GNAQ: variants seen among roughly 807,000 people sequenced by gnomAD.
GNAQ encodes guanine nucleotide-binding protein G(q) subunit alpha.
Under a neutral mutation model 43.9 loss-of-function variants are expected in GNAQ, and 8 were observed. The ratio of observed to expected loss-of-function variants is 0.18; its 90% CI spans 0.11 to 0.33. The LOEUF (loss-of-function observed/expected upper bound fraction) is 0.33, where lower values mean the gene tolerates loss of function less well. GNAQ is among the 10% of genes least tolerant of loss of function. GNAQ has a pLI of 1.00. For synonymous variants in GNAQ, 155 were observed against 170.7 expected (o/e 0.91, Z 0.71); for missense variants, 158 against 450.8 (o/e 0.35, Z 5.88).
chr9:77,749,921 C>A (rs1825785840), intron 5 of GNAQ, among the ~76,000 whole-genome samples: 3 of 152,004 alleles, frequency 2.0e-5, no homozygotes, highest in Non-Finnish European at 2.9e-5. Context: ...ATATTTTTTT[C>A]ATACATTGTA....
intron 5 of GNAQ, among the ~76,000 whole-genome samples, chr9:77,757,189 C>T (rs1454156839): frequency 6.6e-6 from 1 of 152,158 alleles, no homozygotes; most frequent in Non-Finnish European, 1.5e-5. Flanking sequence ...AAAACATAAA[C>T]TGCTGAAAAT....
intron 2 of GNAQ, among the ~76,000 whole-genome samples, chr9:77,897,350 C>A (rs1231443552): frequency 6.6e-6 from 1 of 152,174 alleles, no homozygotes; most frequent in Admixed American, 6.5e-5. Context: ...CAGAGCACAG[C>A]TATTAAATCT....
intron 1 of GNAQ, among the ~76,000 whole-genome samples, chr9:77,973,738 A>C (rs1823266920): frequency 6.6e-6 from 1 of 152,140 alleles, no homozygotes; most frequent in Non-Finnish European, 1.5e-5. Flanking sequence ...GAATCGCTTG[A>C]ATGTGGGAGG....
intron 2 of GNAQ, among the ~76,000 whole-genome samples, chr9:77,828,822 A>T (rs1478169294): frequency 6.6e-6 from 1 of 152,202 alleles, no homozygotes; most frequent in East Asian, 1.9e-4. Flanking sequence ...CCAGTCTCTT[A>T]ACCTTTATAT....
At chr9:77,924,773 G>A (rs1190177808) in intron 1 of GNAQ, among the ~76,000 whole-genome samples, 2 of 152,006 alleles carry the variant, frequency 1.3e-5, no homozygotes, top group Non-Finnish European at 2.9e-5. Flanking sequence ...TAAGAGGAAA[G>A]AAAAAACAAT....
chr9:77,888,919 C>T (rs929067396), intron 2 of GNAQ, among the ~76,000 whole-genome samples: 6 of 152,130 alleles, frequency 3.9e-5, no homozygotes, highest in African/African-American at 1.4e-4. Flanking sequence ...TTCAGCATGA[C>T]ATTTAGAATC....
At chr9:77,889,255 A>G (rs953346140) in intron 2 of GNAQ, among the ~76,000 whole-genome samples, 1 of 151,518 alleles carries the variant, frequency 6.6e-6, no homozygotes, top group Non-Finnish European at 1.5e-5. Flanking sequence ...TTTTAAAAAA[A>G]AAATTAGCCG....
At chr9:77,997,780 G>A (rs929377757) in intron 1 of GNAQ, among the ~76,000 whole-genome samples, 9 of 152,130 alleles carry the variant, frequency 5.9e-5, no homozygotes, top group African/African-American at 1.7e-4. Flanking sequence ...ACAGGCACCC[G>A]GCGGGCAAGG....
chr9:77,894,390 A>ATATATATATTATATATAATTTAATATT (rs1564143611), intron 2 of GNAQ, among the ~76,000 whole-genome samples: 1 of 422 alleles, frequency 2.4e-3, no homozygotes, highest in Admixed American at 0.042. Context: ...TAATAGAAAA[A>ATATATATATTATATATAATTTAATATT]AAATATATAT....
intron 5 of GNAQ, among the ~76,000 whole-genome samples, chr9:77,776,792 G>A (rs11145561): frequency 1.1e-4 from 16 of 151,224 alleles, no homozygotes; most frequent in South Asian, 2.1e-4. Context: ...ACATCTTCTC[G>A]CATGTTCAGG....
At position 77,934,586 on chromosome 9, in the gene GNAQ, T is replaced by C. The variant is rs1446551539; in HGVS notation, c.137-12241A>G. Among the ~76,000 whole-genome samples, 12 of 152,290 alleles carry C rather than the reference T, an allele frequency of 7.9e-5. No individual in the cohort carries two copies. The South Asian group carries it at 2.1e-3, about 26-fold the overall frequency. Reference sequence around the variant, plus strand: ...CTCAAAAAATACGCAGATTTTCAGATTGCAGAACATGGCATGCTTTCTGGG... The same window carrying C: ...CTCAAAAAATACGCAGATTTTCAGACTGCAGAACATGGCATGCTTTCTGGG... On this transcript the variant is annotated intron_variant, in intron 1 of 6. Transcript: ENST00000286548.
intron 1 of GNAQ, among the ~76,000 whole-genome samples, chr9:77,982,332 T>C (rs1260151849): frequency 1.3e-5 from 2 of 152,216 alleles, no homozygotes; most frequent in African/African-American, 4.8e-5. Context: ...TGACCACTGA[T>C]GTTGGCGAAG....
intron 2 of GNAQ, among the ~76,000 whole-genome samples, chr9:77,888,542 C>T (rs1015059332): frequency 1.3e-5 from 2 of 152,090 alleles, no homozygotes; most frequent in Admixed American, 1.3e-4. Context: ...TACTCATTGT[C>T]GCAATCCCCT....
chr9:77,885,800 CAA>C (rs77113247), intron 2 of GNAQ, among the ~76,000 whole-genome samples: 11 of 123,266 alleles, frequency 8.9e-5, no homozygotes, highest in Admixed American at 8.0e-5. Flanking sequence ...GAACAAGGAC[CAA>C]AAAAAAAAAA....
chr9:77,908,866 T>C lies in GNAQ; in HGVS notation c.321+13295A>G, dbSNP rs147088076. 3.0e-3 allele frequency among the ~76,000 whole-genome samples: 451 copies of C among 152,242 alleles called. 2 individuals carry two copies. Among genetic ancestry groups the C allele is most frequent in the Non-Finnish European group, 5.0e-3 (338 of 68,000 alleles). On this transcript the variant is annotated intron_variant, in intron 2 of 6. Transcript: ENST00000286548. ...CACCCTGGATCTACTGAAATACAAA[T>C]ATGCATTTTAATGAGAGCCTCACAT...
intron 2 of GNAQ, among the ~76,000 whole-genome samples, chr9:77,863,220 G>GGAAGGAAGGAAGAAAGGA (rs1564133751): frequency 6.4e-4 from 22 of 34,334 alleles, no homozygotes; most frequent in African/African-American, 1.1e-3. Context: ...GGAAGGAAGG[G>GGAAGGAAGGAAGAAAGGA]AGGAAGGAAG....
At chr9:78,005,786 C>A (rs1036180307) in intron 1 of GNAQ, among the ~76,000 whole-genome samples, 2 of 152,160 alleles carry the variant, frequency 1.3e-5, no homozygotes, top group Non-Finnish European at 2.9e-5. Context: ...GGCATCCCCA[C>A]GACTACTCCC....
In GNAQ at chr9:78,009,384, C is replaced by G. The variant is rs372629187; in HGVS notation, c.136+21716G>C. The stretch of plus-strand genomic sequence containing the variant: ...AGAAGGCCAATCTGATTTCCTCCTA[C>G]GACAGGAGAGTGTGCCATAGTCAAG... On this transcript the variant is annotated intron_variant, in intron 1 of 6. Transcript: ENST00000286548. 6.9e-4 allele frequency among the ~76,000 whole-genome samples: 105 copies of G among 152,316 alleles called. 2 individuals carry two copies. The South Asian group carries it at 0.022, about 32-fold the overall frequency.
At chr9:77,828,485 G>A (rs1827242342) in intron 2 of GNAQ, among the ~76,000 whole-genome samples, 1 of 152,022 alleles carries the variant, frequency 6.6e-6, no homozygotes, top group Non-Finnish European at 1.5e-5. Context: ...TTTCTTTTGG[G>A]CCATTCACAG....
Sources: allele counts gnomAD v4.1 joint callset (sites outside exome capture counted in the v4.1 genomes callset), GRCh38; gene constraint gnomAD v4.1.1; transcripts MANE v1.5; gene names NCBI Gene and HGNC (gene_info 2026-07-23, HGNC 2026-07-21).